LUZP2: variants seen among roughly 807,000 people sequenced by gnomAD.
LUZP2 encodes leucine zipper protein 2.
A neutral mutation model predicts 51.6 loss-of-function variants in LUZP2; 52 were observed. The observed-to-expected ratio is 1.01, with a 90% CI of 0.81 to 1.27. The LOEUF is 1.27. Ranked by LOEUF, LUZP2 falls within the 50% of genes most tolerant of loss-of-function variation. LUZP2 has a pLI of 0.00. For missense variants in LUZP2, 436 were observed against 395.4 expected (o/e 1.10, Z -0.87); for synonymous variants, 154 against 137.3 (o/e 1.12, Z -0.85).
At chr11:24,674,033 T>C (rs1856474427) in intron 1 of LUZP2, among the ~76,000 whole-genome samples, 1 of 152,188 alleles carries the variant, frequency 6.6e-6, no homozygotes, top group Non-Finnish European at 1.5e-5. Flanking sequence ...ATGAAACTAT[T>C]TTTTATACAG....
At chr11:24,615,672 G>A (rs1854261872) in intron 1 of LUZP2, among the ~76,000 whole-genome samples, 1 of 152,062 alleles carries the variant, frequency 6.6e-6, no homozygotes, top group Non-Finnish European at 1.5e-5. Flanking sequence ...CCAGGAATAT[G>A]TAATTGTTGG....
intron 1 of LUZP2, among the ~76,000 whole-genome samples, chr11:24,724,180 T>C (rs1858384660): frequency 6.6e-6 from 1 of 152,206 alleles, no homozygotes; most frequent in Non-Finnish European, 1.5e-5. Flanking sequence ...TGTATCTTAA[T>C]ACAGTTTATA....
At chr11:25,072,003 T>G (rs1859173227) in intron 10 of LUZP2, among the ~76,000 whole-genome samples, 1 of 152,088 alleles carries the variant, frequency 6.6e-6, no homozygotes, top group African/African-American at 2.4e-5. Flanking sequence ...AGCATATTGA[T>G]TTTATGTTTT....
At chr11:24,999,053 T>C (rs945068001) in intron 9 of LUZP2, among the ~76,000 whole-genome samples, 1 of 152,188 alleles carries the variant, frequency 6.6e-6, no homozygotes, top group Non-Finnish European at 1.5e-5. Flanking sequence ...TATAATGATC[T>C]AATGCAACAC....
intron 4 of LUZP2, among the ~76,000 whole-genome samples, chr11:24,753,538 C>A (rs763825239): frequency 8.5e-5 from 13 of 152,112 alleles, no homozygotes; most frequent in Admixed American, 2.6e-4. Context: ...GGCAGATGTA[C>A]ACGCCTTCTG....
chr11:24,951,358 T>A (rs2133863926), intron 7 of LUZP2, among the ~76,000 whole-genome samples: 2 of 151,680 alleles, frequency 1.3e-5, no homozygotes, highest in African/African-American at 4.8e-5. Flanking sequence ...ATTATTCCTA[T>A]TTTGTTGCAG....
rs144083414 is a variant in LUZP2, at chr11:24,695,519, G to A, written c.63-33650G>A. ...TATTCTGAAATACGCACTATAATAC[G>A]GTTGACTATAGTCACCTTACTACAC... On this transcript the variant is annotated intron_variant, in intron 1 of 11. Coordinates refer to ENST00000336930, the MANE Select transcript of LUZP2 (RefSeq NM_001009909.4). Among the ~76,000 whole-genome samples, 1,115 of 151,942 alleles carry A rather than the reference G, an allele frequency of 7.3e-3. 16 individuals are homozygous for A. The highest frequency in any genetic ancestry group is 0.026 in the African/African-American group (1,058 of 41,444).
At chr11:24,581,408 C>T (rs1032978356) in intron 1 of LUZP2, among the ~76,000 whole-genome samples, 21 of 152,042 alleles carry the variant, frequency 1.4e-4, no homozygotes, top group Admixed American at 3.3e-4. Flanking sequence ...CGGTGGCTTA[C>T]GCCTGTAATC....
chr11:25,071,390 TATA>T (rs1233041795), intron 10 of LUZP2, among the ~76,000 whole-genome samples: 7 of 151,494 alleles, frequency 4.6e-5, no homozygotes, highest in African/African-American at 7.3e-5. Flanking sequence ...AAACTTAAAG[TATA>T]ATAATAATAA....
chr11:24,610,601 T>A (rs1854086475), intron 1 of LUZP2, among the ~76,000 whole-genome samples: 1 of 152,228 alleles, frequency 6.6e-6, no homozygotes, highest in African/African-American at 2.4e-5. Flanking sequence ...TCTAATTATG[T>A]TCTATGAGTG....
At chr11:24,880,324 G>C (rs901401120) in intron 5 of LUZP2, among the ~76,000 whole-genome samples, 3 of 150,574 alleles carry the variant, frequency 2.0e-5, no homozygotes, top group African/African-American at 7.3e-5. Flanking sequence ...GCCAGGGCAT[G>C]GGAGAGGGGT....
rs183430654 is a variant in LUZP2, at chr11:24,674,824, C to T, written c.63-54345C>T. Among the ~76,000 whole-genome samples, 259 of 152,314 alleles carry T rather than the reference C, an allele frequency of 1.7e-3. 1 individual carries two copies. The highest frequency in any genetic ancestry group is 5.9e-3 in the African/African-American group (245 of 41,582). On this transcript the variant is annotated intron_variant, in intron 1 of 11. Coordinates refer to ENST00000336930, the MANE Select transcript of LUZP2 (RefSeq NM_001009909.4). ...CAATTCCATATGTAATATGAAATGG[C>T]ATTTCCTCTTATGCCTTTTCCCCAC...
intron 7 of LUZP2, among the ~76,000 whole-genome samples, chr11:24,950,646 A>AT (rs748033751): frequency 6.6e-5 from 10 of 151,562 alleles, no homozygotes; most frequent in Admixed American, 2.6e-4. Flanking sequence ...TATAAAGACC[A>AT]TTTTTTGCTG....
intron 5 of LUZP2, among the ~76,000 whole-genome samples, chr11:24,824,684 A>G (rs1169797799): frequency 6.6e-6 from 1 of 151,988 alleles, no homozygotes; most frequent in Non-Finnish European, 1.5e-5. Context: ...ACACATATTT[A>G]TTTTATATGA....
At chr11:25,015,801 TG>T (rs1338616028) in intron 9 of LUZP2, among the ~76,000 whole-genome samples, 9 of 152,194 alleles carry the variant, frequency 5.9e-5, no homozygotes, top group Admixed American at 4.6e-4. Context: ...CTTGTCCAAT[TG>T]TTTTTCATTT....
intron 9 of LUZP2, among the ~76,000 whole-genome samples, chr11:25,009,786 C>A (rs528266453): frequency 3.9e-5 from 6 of 152,072 alleles, no homozygotes; most frequent in Non-Finnish European, 7.4e-5. Flanking sequence ...TATCTTCATG[C>A]AATAAAAATA....
rs1858205197 is a variant in LUZP2 at position 24,720,076 on chromosome 11, C to A, written c.63-9093C>A. ...TATTAAATATTATGTAATTTATTGG[C>A]ATTGAAATGGGAACAATTAGAATAT... On this transcript the variant is annotated intron_variant, in intron 1 of 11. Coordinates refer to ENST00000336930, the MANE Select transcript of LUZP2 (RefSeq NM_001009909.4). 3.9e-5 allele frequency among the ~76,000 whole-genome samples: 6 copies of A among 152,228 alleles called. No homozygotes were observed. The South Asian group carries it at 1.0e-3, about 26-fold the overall frequency.
chr11:24,798,694 T>G (rs559779494), intron 5 of LUZP2, among the ~76,000 whole-genome samples: 1 of 152,194 alleles, frequency 6.6e-6, no homozygotes, highest in East Asian at 1.9e-4. Context: ...ACTGTCTATC[T>G]TGCATGCTCA....
chr11:24,808,469 T>C (rs1849918538), intron 5 of LUZP2, among the ~76,000 whole-genome samples: 1 of 152,214 alleles, frequency 6.6e-6, no homozygotes, highest in Non-Finnish European at 1.5e-5. Context: ...TCTGCCAATC[T>C]GTAGAATTGA....
Sources: allele counts gnomAD v4.1 joint callset (sites outside exome capture counted in the v4.1 genomes callset), GRCh38; gene constraint gnomAD v4.1.1; transcripts MANE v1.5; gene names NCBI Gene and HGNC (gene_info 2026-07-23, HGNC 2026-07-21).